NAALADL2: variants seen among roughly 807,000 people sequenced by gnomAD.
The protein encoded by NAALADL2 is inactive N-acetylated-alpha-linked acidic dipeptidase-like protein 2.
In NAALADL2, 76 loss-of-function variants were observed where a neutral mutation model predicts 87.2. The ratio of observed to expected loss-of-function variants is 0.87; its 90% CI spans 0.72 to 1.05. The LOEUF (loss-of-function observed/expected upper bound fraction) is 1.05, where lower values mean the gene tolerates loss of function less well. Ranked by LOEUF, NAALADL2 falls within the 50% of genes least tolerant of loss-of-function variation. The pLI is 0.00. For synonymous variants in NAALADL2, 354 were observed against 331.0 expected (o/e 1.07, Z -0.75); for missense variants, 1,089 against 945.8 (o/e 1.15, Z -1.99).
At chr3:175,545,402 C>G (rs545241539) in intron 9 of NAALADL2, among the ~76,000 whole-genome samples, 1 of 152,134 alleles carries the variant, frequency 6.6e-6, no homozygotes, top group South Asian at 2.1e-4. Flanking sequence ...CCAATGAATA[C>G]CACCACTTAC....
chr3:175,138,283 T>C (rs556130133), intron 2 of NAALADL2, among the ~76,000 whole-genome samples: 2 of 152,276 alleles, frequency 1.3e-5, no homozygotes, highest in African/African-American at 2.4e-5. Context: ...AGCAGTTGAA[T>C]CAATGCTGAG....
intron 2 of NAALADL2, among the ~76,000 whole-genome samples, chr3:175,136,009 A>G (rs1329263803): frequency 6.6e-6 from 1 of 152,180 alleles, no homozygotes; most frequent in African/African-American, 2.4e-5. Flanking sequence ...GGGAGAAGGA[A>G]TGGGAATATG....
intron 3 of NAALADL2, among the ~76,000 whole-genome samples, chr3:174,740,315 G>C (rs1733645659): frequency 6.6e-6 from 1 of 151,760 alleles, no homozygotes; most frequent in African/African-American, 2.4e-5. Flanking sequence ...TTTCTTGTCT[G>C]TGCTCCTTAT....
Position 175,363,274 on chromosome 3 carries a change from G to A in NAALADL2, c.1090+38949G>A, listed in dbSNP as rs1371205899. Among the ~76,000 whole-genome samples, 2 of 147,318 alleles carry A rather than the reference G, an allele frequency of 1.4e-5. 1 individual carries two copies. Among genetic ancestry groups the A allele is most frequent in the Non-Finnish European group, 3.0e-5 (2 of 66,276 alleles). ...TTCACAATATTAATTATAAGGATGT[G>A]TTCTTTCAAGTTGTTTTCTTTATGT... On this transcript the variant is annotated intron_variant, in intron 5 of 13. Transcript: ENST00000454872.
chr3:174,937,744 T>C (rs1024021022), intron 1 of NAALADL2, among the ~76,000 whole-genome samples: 2 of 152,060 alleles, frequency 1.3e-5, no homozygotes, highest in Non-Finnish European at 2.9e-5. Flanking sequence ...CTTATGTGAG[T>C]CATTTACTTT....
intron 3 of NAALADL2, among the ~76,000 whole-genome samples, chr3:174,774,220 C>T (rs977462968): frequency 6.6e-6 from 1 of 152,158 alleles, no homozygotes; most frequent in East Asian, 1.9e-4. Context: ...CTGTGGCATT[C>T]ATGTGGTCCA....
intron 3 of NAALADL2, among the ~76,000 whole-genome samples, chr3:175,249,550 T>C (rs1748621739): frequency 6.6e-6 from 1 of 152,172 alleles, no homozygotes; most frequent in Non-Finnish European, 1.5e-5. Context: ...TCATATTATT[T>C]CTCTCTCACA....
chr3:175,807,183 T>TA lies in NAALADL2; in HGVS notation c.*3987dup, dbSNP rs958496905. ...TCTCTAAATGCTTATATAATTTCAC[T>TA]AAAAAAAGAAAAGCAGGTGCTGTGA... On this transcript the variant is annotated 3_prime_UTR_variant, in exon 14 of 14. Transcript: ENST00000454872. 12 of 151,834 alleles carry TA rather than the reference T, an allele frequency of 7.9e-5. No individual in the cohort carries two copies. The South Asian group carries it at 1.0e-3, about 13-fold the overall frequency. 9.4% of individuals were successfully genotyped at this position (151,834 alleles called of 1,614,324 possible). A position where few individuals can be genotyped will look rare whatever the true frequency, so the allele number is the denominator to read the frequency against.
intron 1 of NAALADL2, among the ~76,000 whole-genome samples, chr3:175,068,354 T>A (rs1204958294): frequency 6.6e-6 from 1 of 152,100 alleles, no homozygotes; most frequent in Non-Finnish European, 1.5e-5. Context: ...TGAAATAATT[T>A]AAAAGTTATA....
intron 1 of NAALADL2, among the ~76,000 whole-genome samples, chr3:174,537,094 A>G (rs371372168): frequency 6.6e-6 from 1 of 152,168 alleles, no homozygotes; most frequent in African/African-American, 2.4e-5. Flanking sequence ...AAACCAGTCC[A>G]CCAACACTAC....
intron 9 of NAALADL2, among the ~76,000 whole-genome samples, chr3:175,531,700 T>G (rs972518737): frequency 3.3e-5 from 5 of 152,248 alleles, no homozygotes; most frequent in African/African-American, 1.2e-4. Context: ...ATTTGCCAAG[T>G]CAGTGGCTGC....
intron 13 of NAALADL2, among the ~76,000 whole-genome samples, chr3:175,768,140 A>G (rs1748991583): frequency 6.6e-6 from 1 of 152,114 alleles, no homozygotes; most frequent in African/African-American, 2.4e-5. Flanking sequence ...TTCCATGTAT[A>G]ATACGTGTCC....
chr3:175,198,596 C>A (rs983406801), intron 2 of NAALADL2, among the ~76,000 whole-genome samples: 42 of 152,124 alleles, frequency 2.8e-4, no homozygotes, highest in African/African-American at 1.0e-3. Flanking sequence ...TTCTTACTTA[C>A]CTTGCCTTGA....
intron 3 of NAALADL2, among the ~76,000 whole-genome samples, chr3:174,828,238 T>A (rs528992931): frequency 2.4e-4 from 37 of 152,098 alleles, no homozygotes; most frequent in Non-Finnish European, 4.4e-4. Context: ...ATTAGTCTTA[T>A]AGCACAGCAG....
intron 9 of NAALADL2, among the ~76,000 whole-genome samples, chr3:175,495,092 A>ATATATATATT (rs754412056): frequency 3.7e-5 from 5 of 136,502 alleles, no homozygotes; most frequent in Admixed American, 3.6e-4. Context: ...ATATATATAT[A>ATATATATATT]TTTTTTTTTA....
chr3:175,251,774 G>A (rs1435270016), intron 3 of NAALADL2, among the ~76,000 whole-genome samples: 2 of 152,118 alleles, frequency 1.3e-5, no homozygotes, highest in Non-Finnish European at 2.9e-5. Context: ...CTATAGAAAA[G>A]ACTTTCAAAA....
chr3:175,357,597 C>G (rs1764530585), intron 5 of NAALADL2, among the ~76,000 whole-genome samples: 1 of 152,108 alleles, frequency 6.6e-6, no homozygotes, highest in Non-Finnish European at 1.5e-5. Flanking sequence ...AATATTCCAT[C>G]ACTCATGTTG....
intron 7 of NAALADL2, among the ~76,000 whole-genome samples, chr3:175,464,444 A>C (rs558442088): frequency 2.6e-5 from 4 of 151,918 alleles, no homozygotes; most frequent in African/African-American, 9.7e-5. Flanking sequence ...AAAAAAATTG[A>C]AATCTTCAGA....
chr3:175,219,133 T>C (rs1742972035), intron 2 of NAALADL2, among the ~76,000 whole-genome samples: 2 of 152,148 alleles, frequency 1.3e-5, no homozygotes, highest in Non-Finnish European at 1.5e-5. Context: ...ATATGCATTT[T>C]TGTTGGGTTT....
Sources: gnomAD v4.1 joint callset for allele counts (sites outside exome capture counted in the v4.1 genomes callset) on GRCh38, gnomAD v4.1.1 for gene constraint, MANE v1.5 for transcripts, NCBI Gene and HGNC (gene_info 2026-07-23, HGNC 2026-07-21) for gene names.